GPHN: variants seen among roughly 807,000 people sequenced by gnomAD.
GPHN encodes the protein gephyrin.
Under a neutral mutation model 95.5 loss-of-function variants are expected in GPHN, and 17 were observed. That is an observed-to-expected ratio of 0.18 (90% CI 0.12 to 0.27). GPHN has a LOEUF of 0.27. Among genes scored for constraint, GPHN ranks in the 10% least tolerant of loss-of-function variants. GPHN has a pLI of 1.00. For missense variants in GPHN, 660 were observed against 978.1 expected, an observed-to-expected ratio of 0.67 and a Z score of 4.34; for synonymous variants, 320 against 322.5, an observed-to-expected ratio of 0.99 and a Z score of 0.08.
chr14:67,684,418 A>G, the GPHN span: 10 of 152,178 alleles, frequency 6.6e-5, no homozygotes, highest in Admixed American at 5.9e-4. Flanking sequence ...CCATGGGTTA[A>G]TGGTAGCTGA....
the GPHN span, among the ~76,000 whole-genome samples, chr14:67,675,739 CA>C: frequency 6.6e-6 from 1 of 152,104 alleles, no homozygotes; most frequent in Non-Finnish European, 1.5e-5. Flanking sequence ...CATTAGGTCT[CA>C]TCTGCCACTA....
chr14:67,438,499 A>G, the GPHN span, among the ~76,000 whole-genome samples: 14,174 of 152,204 alleles, frequency 0.093, 1,634 homozygotes, highest in African/African-American at 0.26. Context: ...TCACCTCTCT[A>G]AACTACAGTT....
chr14:66,701,220 A>G (rs544310407), intron 2 of GPHN, among the ~76,000 whole-genome samples: 12 of 151,990 alleles, frequency 7.9e-5, no homozygotes, highest in Non-Finnish European at 1.3e-4. Flanking sequence ...GAATAAAAAT[A>G]CATCTTACAA....
At chr14:66,788,750 A>G (rs1417122394) in intron 3 of GPHN, among the ~76,000 whole-genome samples, 1 of 152,106 alleles carries the variant, frequency 6.6e-6, no homozygotes, top group Non-Finnish European at 1.5e-5. Flanking sequence ...TCCAACCCCC[A>G]GGTTCAAGTG....
At chr14:67,388,665 A>T in the GPHN span, among the ~76,000 whole-genome samples, 2 of 152,132 alleles carry the variant, frequency 1.3e-5, no homozygotes, top group Non-Finnish European at 2.9e-5. Context: ...GCAATCAGAA[A>T]TATATATTTA....
chr14:67,473,215 G>A, the GPHN span: 4 of 656,492 alleles, frequency 6.1e-6, no homozygotes, highest in South Asian at 2.0e-5. This position sits in a 1 kb window ranked among gnomAD's most constrained non-coding sequence, Gnocchi z 6.5. Flanking sequence ...ATGTCCCTCT[G>A]CTGCCTCCAC....
At chr14:67,236,956 T>G in the GPHN span, among the ~76,000 whole-genome samples, 17 of 152,084 alleles carry the variant, frequency 1.1e-4, no homozygotes, top group African/African-American at 4.1e-4. Context: ...CCGGGCATGG[T>G]GGCAGGTGCC....
chr14:66,767,797 C>T (rs1373493654), intron 2 of GPHN, among the ~76,000 whole-genome samples: 2 of 151,780 alleles, frequency 1.3e-5, no homozygotes, highest in Non-Finnish European at 2.9e-5. Flanking sequence ...TCACTGATTC[C>T]CAGCAACATA....
At chr14:67,100,986 C>T (rs976059707) in intron 13 of GPHN, 75 bp downstream of exon 13, 1 of 874,552 alleles carries the variant, frequency 1.1e-6, no homozygotes, top group Non-Finnish European at 2.0e-6. Flanking sequence ...TAAATTTCTC[C>T]TATCAGTTTA....
rs772827516 is a variant in GPHN at position 67,100,922 on chromosome 14, T to C, written c.1293+11T>C. On this transcript the variant is annotated intron_variant, in intron 13 of 22. Coordinates refer to ENST00000478722, the MANE Select transcript of GPHN (RefSeq NM_020806.5). ...CAAGCTGGTGAACAGGTGAGATTGA[T>C]AGGCCTGAAAGGCACTGAAGATTTC... The C allele has an allele frequency of 3.3e-6, 5 of 1,535,326 alleles. No homozygotes were observed. Among genetic ancestry groups the C allele is most frequent in the South Asian group, 1.1e-5 (1 of 89,532 alleles).
At chr14:66,789,337 A>C (rs1389141768) in intron 3 of GPHN, among the ~76,000 whole-genome samples, 1 of 152,210 alleles carries the variant, frequency 6.6e-6, no homozygotes, top group East Asian at 1.9e-4. Flanking sequence ...CTGTTTCTTC[A>C]GTAGTCTCAA....
chr14:66,887,103 GTTC>G (rs945196447), intron 5 of GPHN, among the ~76,000 whole-genome samples: 4 of 152,136 alleles, frequency 2.6e-5, no homozygotes, highest in Non-Finnish European at 4.4e-5. Flanking sequence ...AGGGTACTCT[GTTC>G]TTCTTAATGA....
At chr14:66,739,456 T>C (rs2072604850) in intron 2 of GPHN, among the ~76,000 whole-genome samples, 1 of 151,626 alleles carries the variant, frequency 6.6e-6, no homozygotes, top group East Asian at 1.9e-4. Flanking sequence ...GACCTCGTGA[T>C]CTGCCCGCCT....
At chr14:66,870,167 G>A (rs929159011) in intron 4 of GPHN, among the ~76,000 whole-genome samples, 17 of 152,280 alleles carry the variant, frequency 1.1e-4, no homozygotes, top group Non-Finnish European at 5.9e-5. Context: ...TGATACAAAC[G>A]TGAGAAAGAC....
At chr14:67,185,743 G>A (rs546047653), downstream of GPHN, among the ~76,000 whole-genome samples, 69 of 152,212 alleles carry the variant, frequency 4.5e-4, no homozygotes, top group Middle Eastern at 3.4e-3. Flanking sequence ...TCTTTTGGAT[G>A]GCTTTCATAT....
At chr14:66,998,499 A>G (rs545985820) in intron 9 of GPHN, among the ~76,000 whole-genome samples, 1 of 152,288 alleles carries the variant, frequency 6.6e-6, no homozygotes, top group Non-Finnish European at 1.5e-5. Flanking sequence ...TAAAATTTCA[A>G]GGAATATTCT....
At chr14:67,374,577 ACTAT>A in the GPHN span, 4 of 1,411,992 alleles carry the variant, frequency 2.8e-6, no homozygotes, top group East Asian at 2.3e-5. Context: ...AAATTAGTCC[ACTAT>A]CTGTGTGTTT....
the GPHN span, among the ~76,000 whole-genome samples, chr14:67,422,980 C>A: frequency 2.6e-5 from 4 of 151,832 alleles, no homozygotes; most frequent in Admixed American, 6.6e-5. Flanking sequence ...TACAGGCATG[C>A]GCCACCATGC....
At chr14:66,925,833 T>C (rs534294699) in intron 8 of GPHN, among the ~76,000 whole-genome samples, 1 of 152,332 alleles carries the variant, frequency 6.6e-6, no homozygotes, top group East Asian at 1.9e-4. Flanking sequence ...CATACTATTC[T>C]GCATAGTGGC....
Sources: allele counts gnomAD v4.1 joint callset (sites outside exome capture counted in the v4.1 genomes callset), GRCh38; gene constraint gnomAD v4.1.1; non-coding constraint Gnocchi (gnomAD v3.1); transcripts MANE v1.5; gene names NCBI Gene and HGNC (gene_info 2026-07-23, HGNC 2026-07-21).